The following DTNA variants were observed in gnomAD, a reference collection of about 807,000 sequenced individuals.
The protein encoded by DTNA is dystrobrevin alpha, also known as dystrophin-related protein 3.
In DTNA, 43 loss-of-function variants were observed where a neutral mutation model predicts 100.7. The ratio of observed to expected loss-of-function variants is 0.43; its 90% CI spans 0.33 to 0.55. DTNA has a LOEUF of 0.55. DTNA is among the 20% of genes least tolerant of loss of function. The pLI is 0.04. For synonymous variants in DTNA, 349 were observed against 347.9 expected (o/e 1.00, Z -0.04); for missense variants, 798 against 953.9 (o/e 0.84, Z 2.15).
chr18:34,651,043 A>G (rs533113089), intron 1 of DTNA, among the ~76,000 whole-genome samples: 1 of 152,256 alleles, frequency 6.6e-6, no homozygotes, highest in African/African-American at 2.4e-5. Flanking sequence ...TTTCCAGACC[A>G]TTCAAAGCTT....
chr18:34,651,261 T>C (rs1304103966), intron 1 of DTNA, among the ~76,000 whole-genome samples: 1 of 152,220 alleles, frequency 6.6e-6, no homozygotes, highest in Non-Finnish European at 1.5e-5. Flanking sequence ...ATTTATGATA[T>C]CATTTACTTA....
chr18:34,882,296 C>T, intron 21 of DTNA, 95 bp downstream of exon 21: 1 of 1,511,962 alleles, frequency 6.6e-7, no homozygotes. Context: ...GAGCCTTCTT[C>T]CTTCCACCCT....
Position 34,565,398 on chromosome 18 carries a change from G to A in DTNA, c.-2+71884G>A, listed in dbSNP as rs140231494. On this transcript the variant is annotated intron_variant, in intron 1 of 19. Transcript: ENST00000283365. ...GGAGAAAACTGGGCCCTTGGGCAGG[G>A]GGAAATTTAGAAAGGGTACTGTATT... is the stretch of plus-strand genomic sequence containing the variant. Among the ~76,000 whole-genome samples the A allele has an allele frequency of 2.5e-3, 387 of 152,286 alleles. 2 individuals carry two copies. The highest frequency in any genetic ancestry group is 8.9e-3 in the African/African-American group (368 of 41,558).
chr18:34,751,970 T>C (rs979299995), intron 1 of DTNA, among the ~76,000 whole-genome samples: 1 of 152,246 alleles, frequency 6.6e-6, no homozygotes, highest in Admixed American at 6.5e-5. Context: ...GAAAACAACA[T>C]ATGTCCTGTA....
chr18:34,853,165 T>C (rs1014971012), intron 15 of DTNA, among the ~76,000 whole-genome samples: 5 of 152,224 alleles, frequency 3.3e-5, no homozygotes, highest in Non-Finnish European at 5.9e-5. Context: ...GCAAATGTAA[T>C]TGTGGTTTTT....
chr18:34,699,955 C>G (rs529625399), intron 1 of DTNA, among the ~76,000 whole-genome samples: 5 of 152,304 alleles, frequency 3.3e-5, no homozygotes, highest in South Asian at 2.1e-4. Context: ...ACTCAGGACC[C>G]TGTCTCTTTC....
At chr18:34,717,258 A>C (rs2084252341) in intron 1 of DTNA, among the ~76,000 whole-genome samples, 2 of 152,354 alleles carry the variant, frequency 1.3e-5, no homozygotes, top group South Asian at 4.1e-4. Flanking sequence ...AATGCTAAGT[A>C]ATTGAAATAG....
chr18:34,494,782 C>T (rs2039001248), intron 1 of DTNA, among the ~76,000 whole-genome samples: 1 of 152,062 alleles, frequency 6.6e-6, no homozygotes, highest in Admixed American at 6.5e-5. Context: ...TTATGTTTTC[C>T]TGTTATATGT....
intron 1 of DTNA, among the ~76,000 whole-genome samples, chr18:34,532,576 T>G (rs551493567): frequency 6.6e-6 from 1 of 152,006 alleles, no homozygotes; most frequent in Non-Finnish European, 1.5e-5. Context: ...AGGAAGTCTT[T>G]GTTCTTATAC....
intron 1 of DTNA, among the ~76,000 whole-genome samples, chr18:34,663,776 A>G (rs977505886): frequency 6.6e-6 from 1 of 152,216 alleles, no homozygotes; most frequent in African/African-American, 2.4e-5. Context: ...AAAAGCCTAC[A>G]TCTGCCACTA....
chr18:34,602,091 A>G (rs529133739), intron 1 of DTNA, among the ~76,000 whole-genome samples: 4 of 152,342 alleles, frequency 2.6e-5, no homozygotes, highest in South Asian at 4.1e-4. Context: ...TTAGAAATAC[A>G]TAGTCTCGAA....
intron 3 of DTNA, among the ~76,000 whole-genome samples, chr18:34,787,972 A>G (rs937890336): frequency 6.6e-6 from 1 of 152,222 alleles, no homozygotes; most frequent in African/African-American, 2.4e-5. Flanking sequence ...ATTGTTAACT[A>G]AGGAATTTCG....
chr18:34,612,221 A>T (rs559986372), intron 1 of DTNA, among the ~76,000 whole-genome samples: 1 of 152,140 alleles, frequency 6.6e-6, no homozygotes, highest in Non-Finnish European at 1.5e-5. Context: ...CCCACCATCT[A>T]CGCGTGCCTG....
intron 3 of DTNA, among the ~76,000 whole-genome samples, chr18:34,786,161 A>G (rs1568515995): frequency 6.6e-6 from 1 of 152,224 alleles, no homozygotes; most frequent in Admixed American, 6.5e-5. Context: ...TAGGAACAAG[A>G]CAATGCTTAT....
chr18:34,706,403 A>G (rs2082123289), upstream of DTNA, among the ~76,000 whole-genome samples: 2 of 152,190 alleles, frequency 1.3e-5, no homozygotes. Flanking sequence ...TCATGAGAAC[A>G]TGGAAAGTTA....
In DTNA at chr18:34,890,622, G is replaced by GTTGGCTGTGTTA; in HGVS notation, c.*2888_*2889insTTGGCTGTGTTA. ...CACAGCGCCATATTAATGGAGGAGGGGAGGAAGGTGAAATCTACTGCATGG... is the reference window on the plus strand; with the variant it reads ...CACAGCGCCATATTAATGGAGGAGGGTTGGCTGTGTTAGAGGAAGGTGAAATCTACTGCATGG... On this transcript the variant is annotated 3_prime_UTR_variant, in exon 23 of 23. Transcript: ENST00000444659. 2 of 961,030 alleles carry GTTGGCTGTGTTA rather than the reference G, an allele frequency of 2.1e-6. No individual in the cohort carries two copies. Among genetic ancestry groups the GTTGGCTGTGTTA allele is most frequent in the Non-Finnish European group, 3.0e-6 (2 of 670,220 alleles). The allele number at this position is 961,030 out of a possible 1,614,324, so 59.5% of individuals were successfully genotyped here.
At chr18:34,848,458 A>G (rs2096419173) in intron 14 of DTNA, 75 bp downstream of exon 14, 25 of 1,445,526 alleles carry the variant, frequency 1.7e-5, no homozygotes, top group Non-Finnish European at 2.1e-5. Flanking sequence ...GTTTATTGTT[A>G]TTATAGCTGG....
chr18:34,636,040 C>T (rs563995255), intron 1 of DTNA, among the ~76,000 whole-genome samples: 11 of 152,292 alleles, frequency 7.2e-5, no homozygotes, highest in Admixed American at 5.2e-4. Flanking sequence ...AGATGTTTCA[C>T]GTGTGTGCAC....
At chr18:34,724,775 G>T (rs1052724588) in intron 1 of DTNA, among the ~76,000 whole-genome samples, 1 of 152,092 alleles carries the variant, frequency 6.6e-6, no homozygotes, top group African/African-American at 2.4e-5. Context: ...ATTTGGAGGG[G>T]TCAGATCCTA....
Sources: allele counts gnomAD v4.1 joint callset (sites outside exome capture counted in the v4.1 genomes callset), GRCh38; gene constraint gnomAD v4.1.1; transcripts MANE v1.5; gene names NCBI Gene and HGNC (gene_info 2026-07-23, HGNC 2026-07-21).